Variants in SOBP observed in about 807,000 individuals in gnomAD.
SOBP encodes sine oculis binding protein homolog.
Under a neutral mutation model 53.6 loss-of-function variants are expected in SOBP, and 4 were observed. The observed-to-expected ratio is 0.07, with a 90% CI of 0.04 to 0.17. The LOEUF is 0.17. Ranked by LOEUF, SOBP falls within the 10% of genes least tolerant of loss-of-function variation. The pLI is 1.00. For synonymous variants in SOBP, 584 were observed against 522.6 expected, an observed-to-expected ratio of 1.12 and a Z score of -1.60; for missense variants, 1,088 against 1,204.7, an observed-to-expected ratio of 0.90 and a Z score of 1.43.
chr6:107,557,326 A>C (rs1483774169), intron 4 of SOBP, among the ~76,000 whole-genome samples: 1 of 152,238 alleles, frequency 6.6e-6, no homozygotes, highest in East Asian at 1.9e-4. Context: ...GCAAAGATAC[A>C]TTTTAAATAT....
chr6:107,563,940 C>T (rs995052943), intron 4 of SOBP, among the ~76,000 whole-genome samples: 18 of 152,196 alleles, frequency 1.2e-4, no homozygotes, highest in Non-Finnish European at 2.2e-4. Context: ...TGCGGAGCCT[C>T]TCTGGAACAC....
chr6:107,643,457 G>T (rs748284366), intron 6 of SOBP, among the ~76,000 whole-genome samples: 12 of 151,784 alleles, frequency 7.9e-5, no homozygotes, highest in Non-Finnish European at 1.3e-4. Context: ...TCACTCTGTT[G>T]CCCGGCTGGA....
At position 107,609,764 on chromosome 6, in the gene SOBP, C is replaced by A. The variant is rs571057006; in HGVS notation, c.669+22589C>A. Reference sequence around the variant, plus strand: ...GTTCCAGGAAGGCCTGCTGACAAAGCCCTACTCCCACCAGACCATCACTGG... The same window carrying A: ...GTTCCAGGAAGGCCTGCTGACAAAGACCTACTCCCACCAGACCATCACTGG... On this transcript the variant is annotated intron_variant, in intron 5 of 6. Transcript: ENST00000317357. 1.6e-4 allele frequency among the ~76,000 whole-genome samples: 25 copies of A among 152,136 alleles called. No individual in the cohort carries two copies. In the South Asian group the frequency reaches 2.9e-3, roughly 18 times the overall value.
At chr6:107,615,299 AAAATT>A (rs1786745894) in intron 5 of SOBP, among the ~76,000 whole-genome samples, 2 of 152,346 alleles carry the variant, frequency 1.3e-5, no homozygotes, top group South Asian at 4.1e-4. Flanking sequence ...GTAATGAAAT[AAAATT>A]AAGGAAAGAA....
intron 1 of SOBP, 24 bp from the exon 2 acceptor site, chr6:107,503,633 T>G: frequency 6.2e-7 from 1 of 1,613,236 alleles, no homozygotes; most frequent in Non-Finnish European, 8.5e-7. Context: ...TAGAAATAAG[T>G]AGTAGCCTAT....
chr6:107,491,091 G>A (rs549324222), intron 1 of SOBP, among the ~76,000 whole-genome samples: 7 of 152,210 alleles, frequency 4.6e-5, no homozygotes, highest in African/African-American at 1.7e-4. Flanking sequence ...TCCAAAGTTA[G>A]GAGCCTCCTG....
chr6:107,495,155 C>A (rs1456961494), intron 1 of SOBP, among the ~76,000 whole-genome samples: 2 of 152,180 alleles, frequency 1.3e-5, no homozygotes, highest in African/African-American at 4.8e-5. Flanking sequence ...ATGTTAGACT[C>A]CCCCTCTCTA....
intron 6 of SOBP, among the ~76,000 whole-genome samples, chr6:107,643,313 G>C (rs1771408006): frequency 6.6e-6 from 1 of 152,166 alleles, no homozygotes. Flanking sequence ...CGTATTTAGA[G>C]TAATTTCAAG....
chr6:107,608,235 C>T (rs987821048), intron 5 of SOBP, among the ~76,000 whole-genome samples: 6 of 152,096 alleles, frequency 3.9e-5, no homozygotes, highest in African/African-American at 1.4e-4. Flanking sequence ...AAAATGCTGC[C>T]AGTGATTTGG....
rs1237988001 is a variant in SOBP at position 107,659,371 on chromosome 6, T to G, written c.*1168T>G. On this transcript the variant is annotated 3_prime_UTR_variant, in exon 7 of 7. Transcript: ENST00000317357. ...CAGGGTAGATTCACTTGTGTGCACT[T>G]GTACAGTTGTAGCTGCGAGTCCAGA... 6.6e-6 allele frequency: 1 copy of G among 152,578 alleles called. No homozygotes were observed. Among genetic ancestry groups the G allele is most frequent in the Non-Finnish European group, 1.5e-5 (1 of 68,048 alleles). 9.5% of individuals were successfully genotyped at this position (152,578 alleles called of 1,614,324 possible).
Position 107,518,685 on chromosome 6 carries a change from G to A in SOBP, c.421+12258G>A, listed in dbSNP as rs112063667. 4.6e-3 allele frequency among the ~76,000 whole-genome samples: 692 copies of A among 151,356 alleles called. 7 individuals carry two copies. The highest frequency in any genetic ancestry group is 0.016 in the African/African-American group (657 of 41,232). On this transcript the variant is annotated intron_variant, in intron 3 of 6. Coordinates refer to ENST00000317357, the MANE Select transcript of SOBP (RefSeq NM_018013.4). ...TCCTTAGATGGGCTTAGGTGGGTAA[G>A]TGTAGGTCATGAAGTTGACTGTGGA...
intron 2 of SOBP, among the ~76,000 whole-genome samples, chr6:107,505,079 A>G (rs553676807): frequency 2.6e-5 from 4 of 152,206 alleles, no homozygotes; most frequent in African/African-American, 9.6e-5. Flanking sequence ...AAGTTTTTAA[A>G]ATTTTTATTT....
At chr6:107,652,524 C>A (rs1248901320) in intron 6 of SOBP, among the ~76,000 whole-genome samples, 1 of 152,204 alleles carries the variant, frequency 6.6e-6, no homozygotes, top group Non-Finnish European at 1.5e-5. Context: ...GGTAAAGATG[C>A]TGTGAACAAT....
intron 4 of SOBP, among the ~76,000 whole-genome samples, chr6:107,555,257 G>C (rs1784576685): frequency 6.6e-6 from 1 of 151,818 alleles, no homozygotes; most frequent in Non-Finnish European, 1.5e-5. Context: ...ATTAGTATCA[G>C]TTGGACAGCT....
chr6:107,563,824 A>G (rs1784839909), intron 4 of SOBP, among the ~76,000 whole-genome samples: 1 of 152,206 alleles, frequency 6.6e-6, no homozygotes, highest in African/African-American at 2.4e-5. Context: ...TAGCGCTTCA[A>G]GAAAGTACAG....
chr6:107,639,801 A>C (rs1771228559), intron 6 of SOBP, among the ~76,000 whole-genome samples: 1 of 152,202 alleles, frequency 6.6e-6, no homozygotes. Flanking sequence ...CCCCCTCCTC[A>C]GTTTTCCAGG....
At chr6:107,525,146 C>A (rs1311736078) in intron 3 of SOBP, among the ~76,000 whole-genome samples, 1 of 152,154 alleles carries the variant, frequency 6.6e-6, no homozygotes, top group African/African-American at 2.4e-5. Flanking sequence ...GTGGATTTTC[C>A]TTAGTCTGAA....
chr6:107,611,470 A>G lies in SOBP; in HGVS notation c.670-22044A>G, dbSNP rs146421149. Among the ~76,000 whole-genome samples, 79 of 152,338 alleles carry G rather than the reference A, an allele frequency of 5.2e-4. 1 individual carries two copies. Among genetic ancestry groups the G allele is most frequent in the Admixed American group, 3.9e-4 (6 of 15,308 alleles). ...AGGCTGCTGTCACTAACATTTGACT[A>G]TAAGCAACATTTTCATATTTAAACA... is the stretch of plus-strand genomic sequence containing the variant. On this transcript the variant is annotated intron_variant, in intron 5 of 6. Transcript: ENST00000317357.
At chr6:107,610,715 C>T (rs917927783) in intron 5 of SOBP, among the ~76,000 whole-genome samples, 2 of 152,142 alleles carry the variant, frequency 1.3e-5, no homozygotes, top group Admixed American at 1.3e-4. Flanking sequence ...GCAATAGTAC[C>T]ATTTGCTCCA....
Sources: allele counts gnomAD v4.1 joint callset (sites outside exome capture counted in the v4.1 genomes callset), GRCh38; gene constraint gnomAD v4.1.1; transcripts MANE v1.5; gene names NCBI Gene and HGNC (gene_info 2026-07-23, HGNC 2026-07-21).